Variants in USP43 observed in about 807,000 individuals in gnomAD.
The protein encoded by USP43 is ubiquitin specific peptidase 43.
A neutral mutation model predicts 90.7 loss-of-function variants in USP43; 33 were observed. That is an observed-to-expected ratio of 0.36 (90% CI 0.28 to 0.49). The LOEUF is 0.49. Ranked by LOEUF, USP43 falls within the 20% of genes least tolerant of loss-of-function variation. The probability of loss-of-function intolerance (pLI) is 0.98; values close to 1 mark genes in which losing one functional copy is unlikely to be tolerated. For missense variants in USP43, 1,274 were observed against 1,476.4 expected (o/e 0.86, Z 2.25); for synonymous variants, 598 against 615.8 (o/e 0.97, Z 0.43).
intron 1 of USP43, among the ~76,000 whole-genome samples, chr17:9,651,199 T>C (rs1409945552): frequency 6.6e-6 from 1 of 152,090 alleles, no homozygotes; most frequent in Non-Finnish European, 1.5e-5. Context: ...TTTTTTTGTT[T>C]TTTATTTGAG....
intron 9 of USP43, among the ~76,000 whole-genome samples, chr17:9,694,909 C>A (rs981914099): frequency 6.6e-6 from 1 of 152,156 alleles, no homozygotes; most frequent in Non-Finnish European, 1.5e-5. Context: ...CAGGTGTGAG[C>A]CACCGCACCC....
At chr17:9,662,286 A>T (rs1227553717) in intron 2 of USP43, among the ~76,000 whole-genome samples, 1 of 152,168 alleles carries the variant, frequency 6.6e-6, no homozygotes, top group East Asian at 1.9e-4. Flanking sequence ...GATACGGGGC[A>T]GTCAAAATAG....
intron 14 of USP43, among the ~76,000 whole-genome samples, chr17:9,727,587 A>G (rs1474629132): frequency 6.6e-6 from 1 of 152,116 alleles, no homozygotes; most frequent in East Asian, 1.9e-4. Context: ...GACCTAGAAA[A>G]GCAGGAACTT....
chr17:9,678,159 GA>G (rs1913912879), intron 5 of USP43, among the ~76,000 whole-genome samples: 1 of 152,118 alleles, frequency 6.6e-6, no homozygotes, highest in Non-Finnish European at 1.5e-5. Context: ...TTAAGAGTGT[GA>G]AAAATCTGGC....
chr17:9,715,632 G>A (rs539852117), intron 14 of USP43, among the ~76,000 whole-genome samples: 26 of 148,838 alleles, frequency 1.7e-4, no homozygotes, highest in African/African-American at 6.2e-4. Flanking sequence ...GTCTGTGTGT[G>A]TGTTTCTTGT....
intron 14 of USP43, among the ~76,000 whole-genome samples, chr17:9,714,041 C>T (rs1916351455): frequency 6.6e-6 from 1 of 152,182 alleles, no homozygotes; most frequent in Admixed American, 6.5e-5. Context: ...GAGCATGCAA[C>T]CTACATCCCT....
chr17:9,676,613 C>A, intron 4 of USP43, 133 bp from the exon 5 acceptor site: 1 of 1,109,430 alleles, frequency 9.0e-7, no homozygotes, highest in Non-Finnish European at 1.2e-6. Context: ...CGCAGGTGAT[C>A]CACCTGCTTC....
chr17:9,649,179 T>C (rs1280688899), intron 1 of USP43, among the ~76,000 whole-genome samples: 1 of 151,988 alleles, frequency 6.6e-6, no homozygotes, highest in Admixed American at 6.6e-5. Context: ...TGGTGGCGTG[T>C]GCCTGTAGTC....
At chr17:9,726,610 C>T (rs546030310) in intron 14 of USP43, among the ~76,000 whole-genome samples, 54 of 152,296 alleles carry the variant, frequency 3.5e-4, no homozygotes, top group African/African-American at 1.2e-3. Flanking sequence ...ATCCCATTCA[C>T]GAGGGCTCTA....
In USP43 at chr17:9,645,537, C is replaced by G; in HGVS notation, c.-96C>G. ...CCCGCACACCTGGCCCGCAGGTAGC[C>G]GGCACCAGGAGCCTTAGAGAAGCTG... On this transcript the variant is annotated 5_prime_UTR_variant, in exon 1 of 15. Coordinates refer to ENST00000285199, the MANE Select transcript of USP43 (RefSeq NM_153210.5). This position sits in a 1 kb window ranked among gnomAD's most constrained non-coding sequence, Gnocchi z 6.8. 8 of 1,094,002 alleles carry G rather than the reference C, an allele frequency of 7.3e-6. No individual in the cohort carries two copies. The highest frequency in any genetic ancestry group is 9.0e-6 in the Non-Finnish European group (8 of 886,824). 67.8% of individuals were successfully genotyped at this position (1,094,002 alleles called of 1,614,324 possible). A position where few individuals can be genotyped will look rare whatever the true frequency, so the allele number is the denominator to read the frequency against.
intron 2 of USP43, among the ~76,000 whole-genome samples, chr17:9,659,967 G>C (rs917518401): frequency 6.6e-6 from 1 of 152,118 alleles, no homozygotes; most frequent in Non-Finnish European, 1.5e-5. Context: ...ATTTGTGATA[G>C]CCAAAAATGT....
chr17:9,673,091 A>C (rs1428641107), intron 3 of USP43, among the ~76,000 whole-genome samples: 1 of 152,244 alleles, frequency 6.6e-6, no homozygotes, highest in Non-Finnish European at 1.5e-5. Flanking sequence ...CTGTGTCCTC[A>C]GCGAAGTTAA....
chr17:9,696,197 A>G (rs1280078157), intron 9 of USP43, among the ~76,000 whole-genome samples: 1 of 151,876 alleles, frequency 6.6e-6, no homozygotes, highest in Non-Finnish European at 1.5e-5. Context: ...GCAGTGGCAC[A>G]ATCTCGGCTC....
At chr17:9,667,790 G>T (rs191150562) in intron 3 of USP43, among the ~76,000 whole-genome samples, 1 of 152,294 alleles carries the variant, frequency 6.6e-6, no homozygotes, top group African/African-American at 2.4e-5. Flanking sequence ...GTGTGTGCAT[G>T]TGTGCGTGCA....
At chr17:9,722,164 A>C (rs1460234580) in intron 14 of USP43, among the ~76,000 whole-genome samples, 2 of 152,096 alleles carry the variant, frequency 1.3e-5, no homozygotes, top group Non-Finnish European at 2.9e-5. Flanking sequence ...GCTTTTTATT[A>C]TTATAATGTG....
At chr17:9,724,148 A>G (rs1022764006) in intron 14 of USP43, among the ~76,000 whole-genome samples, 1 of 152,192 alleles carries the variant, frequency 6.6e-6, no homozygotes, top group East Asian at 1.9e-4. Flanking sequence ...TGGAGTGATG[A>G]AAAGGGCAGC....
At chr17:9,694,199 C>G (rs16958614) in intron 9 of USP43, among the ~76,000 whole-genome samples, 41,688 of 152,086 alleles carry the variant, frequency 0.27, 6,369 homozygotes, top group East Asian at 0.62. Context: ...CCAAATTCAA[C>G]CTGACTGAGA....
chr17:9,645,806 G>A lies in USP43; in HGVS notation c.174G>A (p.Glu58=), dbSNP rs942933453. 2 of 1,388,474 alleles carry A rather than the reference G, an allele frequency of 1.4e-6. No individual in the cohort carries two copies. Among genetic ancestry groups the A allele is most frequent in the Non-Finnish European group, 1.9e-6 (2 of 1,078,598 alleles). The allele number at this position is 1,388,474 out of a possible 1,614,324, so 86.0% of individuals were successfully genotyped here. A position where few individuals can be genotyped will look rare whatever the true frequency, so the allele number is the denominator to read the frequency against. The change falls in exon 1 of 15, where the codon GAG becomes GAA. Residue 58 remains glutamate (E), a synonymous_variant. Transcript: ENST00000285199. The surrounding 1 kb of genome is among the most constrained non-coding windows in gnomAD (Gnocchi z 6.8). ...CGGGACACTGTGATGGCGACGGTGAGGGGGGCTTCGCCTGCGCCCCGGGCC... is the reference window on the plus strand; with the variant it reads ...CGGGACACTGTGATGGCGACGGTGAAGGGGGCTTCGCCTGCGCCCCGGGCC... The part of the protein sequence containing the change: ...PQPGHCDGDG[E]GGFACAPGPV...
Position 9,682,687 on chromosome 17 carries a change from C to T in USP43, c.1106-136C>T, listed in dbSNP as rs1251856596. 9.8e-6 allele frequency: 11 copies of T among 1,124,268 alleles called. No individual in the cohort carries two copies. In the East Asian group the frequency reaches 2.1e-4, roughly 21 times the overall value. 69.6% of individuals were successfully genotyped at this position (1,124,268 alleles called of 1,614,324 possible). ...TGCCATGAACCTCATTATCTCCTCC[C>T]CTAAAGCCCTCTAGTGGCCCCCCAT... is the stretch of plus-strand genomic sequence containing the variant. On this transcript the variant is annotated intron_variant, in intron 6 of 14. Transcript: ENST00000285199.
Sources: gnomAD v4.1 joint callset for allele counts (sites outside exome capture counted in the v4.1 genomes callset) on GRCh38, gnomAD v4.1.1 for gene constraint, Gnocchi (gnomAD v3.1) non-coding constraint, MANE v1.5 for transcripts, NCBI Gene and HGNC (gene_info 2026-07-23, HGNC 2026-07-21) for gene names.